ACAP2: variants seen among roughly 807,000 people sequenced by gnomAD.
The protein encoded by ACAP2 is arf-GAP with coiled-coil, ANK repeat and PH domain-containing protein 2.
ACAP2 carries 39 observed loss-of-function variants against 115.8 expected under a neutral mutation model. The ratio of observed to expected loss-of-function variants is 0.34; its 90% confidence interval spans 0.26 to 0.44. ACAP2 has a LOEUF of 0.44. Among genes scored for constraint, ACAP2 ranks in the 20% least tolerant of loss-of-function variants. ACAP2 has a pLI of 1.00. For synonymous variants in ACAP2, 289 were observed against 315.8 expected (o/e 0.92, Z 0.90); for missense variants, 662 against 927.6 (o/e 0.71, Z 3.72).
intron 4 of ACAP2, among the ~76,000 whole-genome samples, chr3:195,373,272 G>A (rs771201862): frequency 6.6e-6 from 1 of 151,938 alleles, no homozygotes; most frequent in Non-Finnish European, 1.5e-5. Context: ...TGATGATCTA[G>A]TAAAATATTT....
At chr3:195,383,587 A>G (rs1396091845) in intron 2 of ACAP2, among the ~76,000 whole-genome samples, 2 of 151,866 alleles carry the variant, frequency 1.3e-5, no homozygotes, top group African/African-American at 4.8e-5. Context: ...TTTTTTCAAT[A>G]ATCTCAAAGT....
chr3:195,307,078 C>A, intron 12 of ACAP2, 145 bp downstream of exon 12: 4 of 548,172 alleles, frequency 7.3e-6, no homozygotes, highest in East Asian at 3.0e-5. Context: ...TATCTGTAAC[C>A]ATTAATTATT....
At chr3:195,368,645 T>C (rs926504871) in intron 4 of ACAP2, among the ~76,000 whole-genome samples, 15 of 152,208 alleles carry the variant, frequency 9.9e-5, no homozygotes, top group African/African-American at 3.6e-4. Flanking sequence ...GTATTACAGA[T>C]TCTTATTAGA....
At chr3:195,353,878 G>A (rs1414142202) in intron 4 of ACAP2, among the ~76,000 whole-genome samples, 2 of 152,104 alleles carry the variant, frequency 1.3e-5, no homozygotes, top group Non-Finnish European at 2.9e-5. Flanking sequence ...GGATGTGGAG[G>A]TTTGTTACAT....
chr3:195,439,184 C>T (rs996751109), intron 1 of ACAP2, among the ~76,000 whole-genome samples: 2 of 140,962 alleles, frequency 1.4e-5, no homozygotes, highest in African/African-American at 5.2e-5. Flanking sequence ...CATACCAAGG[C>T]TAAGGCCTTT....
intron 4 of ACAP2, among the ~76,000 whole-genome samples, chr3:195,365,409 A>T (rs1388510381): frequency 6.6e-6 from 1 of 152,152 alleles, no homozygotes; most frequent in Non-Finnish European, 1.5e-5. Flanking sequence ...ACCCACAAAA[A>T]TTTTAAATAA....
intron 4 of ACAP2, among the ~76,000 whole-genome samples, chr3:195,373,406 T>C (rs1733309531): frequency 6.9e-6 from 1 of 145,962 alleles, no homozygotes; most frequent in African/African-American, 2.5e-5. Flanking sequence ...ATCAAAGAAA[T>C]ACTATGAGAA....
chr3:195,336,324 T>C (rs948610728), intron 7 of ACAP2: 5 of 152,014 alleles, frequency 3.3e-5, no homozygotes, highest in Admixed American at 2.6e-4. Flanking sequence ...CCACTGGTTT[T>C]GTAACTGCAT....
intron 4 of ACAP2, among the ~76,000 whole-genome samples, chr3:195,376,798 C>G (rs1733576403): frequency 6.6e-6 from 1 of 152,162 alleles, no homozygotes; most frequent in Non-Finnish European, 1.5e-5. Flanking sequence ...GTAAATGACA[C>G]CTCTGGAATA....
intron 10 of ACAP2, among the ~76,000 whole-genome samples, chr3:195,315,771 TC>T (rs747164918): frequency 6.6e-6 from 1 of 152,256 alleles, no homozygotes; most frequent in African/African-American, 2.4e-5. Context: ...ATTGTTTTTT[TC>T]ACTTTGTAAA....
At chr3:195,306,304 A>G (rs1293010362) in intron 13 of ACAP2, among the ~76,000 whole-genome samples, 3 of 152,234 alleles carry the variant, frequency 2.0e-5, no homozygotes, top group African/African-American at 4.8e-5. Flanking sequence ...AATATTAAAC[A>G]TAGATTCACA....
chr3:195,368,970 G>A (rs1328154361), intron 4 of ACAP2, among the ~76,000 whole-genome samples: 1 of 152,052 alleles, frequency 6.6e-6, no homozygotes, highest in African/African-American at 2.4e-5. Context: ...TGTAGTCCCA[G>A]CTACTTGGGG....
At chr3:195,389,712 G>A (rs1421199191) in intron 2 of ACAP2, among the ~76,000 whole-genome samples, 1 of 152,156 alleles carries the variant, frequency 6.6e-6, no homozygotes, top group Non-Finnish European at 1.5e-5. Flanking sequence ...TAAAAAGCCA[G>A]ACATGTAATT....
chr3:195,410,994 C>A, intron 1 of ACAP2: 1 of 388,916 alleles, frequency 2.6e-6, no homozygotes, highest in Non-Finnish European at 5.2e-6. Context: ...TTATCTTGGA[C>A]TTCCCAGCTC....
chr3:195,361,977 C>A (rs1339153651), intron 4 of ACAP2, among the ~76,000 whole-genome samples: 1 of 152,074 alleles, frequency 6.6e-6, no homozygotes, highest in Non-Finnish European at 1.5e-5. Context: ...ACGAAGAAAT[C>A]CAAAACCTGA....
intron 7 of ACAP2, among the ~76,000 whole-genome samples, chr3:195,334,120 A>C (rs1730349814): frequency 1.3e-5 from 2 of 151,932 alleles, no homozygotes; most frequent in South Asian, 4.1e-4. Flanking sequence ...TATTCTAAAC[A>C]TCCATATTAT....
At position 195,294,781 on chromosome 3, in the gene ACAP2, C is replaced by T. The variant is rs768677851; in HGVS notation, c.1703G>A (p.Ser568Asn). The T allele has an allele frequency of 1.2e-6, 2 of 1,608,928 alleles. No individual in the cohort carries two copies. The highest frequency in any genetic ancestry group is 2.2e-5 in the South Asian group (2 of 90,948). The change falls in exon 18 of 23, where the codon AGC (serine) becomes AAC (asparagine). Residue 568 changes from serine to asparagine, a missense_variant. This residue lies in a region of ACAP2 where 133 missense variants were observed against 123.1 expected (regional missense o/e 1.08). Coordinates refer to ENST00000326793, the MANE Select transcript of ACAP2 (RefSeq NM_012287.6). ...VRSNDSGIQQ[S>N]SDDGRESLPS... is the part of the protein sequence containing the mutation. ...TAAAGATTCTCTTCCATCATCAGAG[C>T]TCTGCTGAATTCCACTGTCATTACT...
intron 1 of ACAP2, among the ~76,000 whole-genome samples, chr3:195,415,429 A>C (rs928490133): frequency 6.6e-6 from 1 of 151,936 alleles, no homozygotes; most frequent in African/African-American, 2.4e-5. Flanking sequence ...GGCGTGCACC[A>C]CCATGCCCAG....
chr3:195,368,422 T>C (rs1020899474), intron 4 of ACAP2, among the ~76,000 whole-genome samples: 11 of 152,224 alleles, frequency 7.2e-5, no homozygotes, highest in African/African-American at 2.7e-4. Context: ...AGTGCTGGGA[T>C]GACAGGCGTT....
Sources: gnomAD v4.1 joint callset for allele counts (sites outside exome capture counted in the v4.1 genomes callset) on GRCh38, gnomAD v4.1.1 for gene constraint, gnomAD v4.1.1 regional missense constraint, MANE v1.5 for transcripts, NCBI Gene and HGNC (gene_info 2026-07-23, HGNC 2026-07-21) for gene names.